The following STRADB variants were observed in gnomAD, a reference collection of about 807,000 sequenced individuals.
STRADB encodes STE20 related adaptor beta, also known as STE20-related kinase adapter protein beta.
In STRADB, 34 loss-of-function variants were observed where a neutral mutation model predicts 52.1. That is an observed-to-expected ratio of 0.65 (90% CI 0.50 to 0.87). The LOEUF is 0.87. Ranked by LOEUF, STRADB falls within the 40% of genes least tolerant of loss-of-function variation. STRADB has a pLI of 0.00. For synonymous variants in STRADB, 133 were observed against 174.5 expected (o/e 0.76, Z 1.87); for missense variants, 340 against 483.9 (o/e 0.70, Z 2.79).
chr2:201,462,461 C>T (rs1310200152), intron 3 of STRADB, among the ~76,000 whole-genome samples: 1 of 152,008 alleles, frequency 6.6e-6, no homozygotes, highest in African/African-American at 2.4e-5. Context: ...GTATTCTCTT[C>T]CTTCCTTCCT....
rs1952501703 is a variant in STRADB at position 201,477,754 on chromosome 2, A to G, written c.684A>G (p.Ser228=). 2 of 1,613,516 alleles carry G rather than the reference A, an allele frequency of 1.2e-6. No individual in the cohort carries two copies. The highest frequency in any genetic ancestry group is 1.7e-6 in the Non-Finnish European group (2 of 1,179,406). Residue 228 remains serine (S), a synonymous_variant, in exon 8 of 12, where the codon TCA becomes TCG. Transcript: ENST00000194530. ...AVYDFPQFST[S]VQPWLSPELL... is the part of the protein sequence containing the mutation. The stretch of plus-strand genomic sequence containing the variant: ...ATGATTTCCCACAGTTCAGCACATC[A>G]GTGCAGCCGTGGCTGAGTCCAGAAC...
chr2:201,475,216 G>T (rs1387071201), intron 6 of STRADB, among the ~76,000 whole-genome samples: 1 of 151,976 alleles, frequency 6.6e-6, no homozygotes, highest in Non-Finnish European at 1.5e-5. Flanking sequence ...TTTATTTGTG[G>T]TGTCCCCAGG....
intron 1 of STRADB, among the ~76,000 whole-genome samples, chr2:201,452,334 C>G (rs1005405794): frequency 1.1e-4 from 17 of 152,246 alleles, no homozygotes; most frequent in African/African-American, 4.1e-4. Context: ...CCAGCTCTAT[C>G]TGCCGCCTTC....
rs1395741749 is a variant in STRADB, at chr2:201,457,114, C to CA, written c.13-1666dup. Among the ~76,000 whole-genome samples, 4 of 152,304 alleles carry CA rather than the reference C, an allele frequency of 2.6e-5. No homozygotes were observed. In the East Asian group the frequency reaches 7.7e-4, roughly 29 times the overall value. On this transcript the variant is annotated intron_variant, in intron 2 of 11. Transcript: ENST00000194530. ...GCGATTCTTATGAAGGGAACCTCTG[C>CA]AAAATCCCAGTTCCCAGATACTAGC... is the stretch of plus-strand genomic sequence containing the variant.
chr2:201,457,022 T>G (rs1342521234), intron 2 of STRADB, among the ~76,000 whole-genome samples: 1 of 152,086 alleles, frequency 6.6e-6, no homozygotes, highest in Non-Finnish European at 1.5e-5. Context: ...AATTCCAGTC[T>G]CCCAGAAAAA....
chr2:201,463,313 GAC>G (rs1252725779), intron 3 of STRADB, among the ~76,000 whole-genome samples: 2 of 123,960 alleles, frequency 1.6e-5, no homozygotes, highest in African/African-American at 6.3e-5. Flanking sequence ...CAGCCTGGGT[GAC>G]AGAGTGAGAC....
chr2:201,460,222 A>C (rs1952192277), intron 3 of STRADB, among the ~76,000 whole-genome samples: 1 of 152,092 alleles, frequency 6.6e-6, no homozygotes, highest in Admixed American at 6.6e-5. Context: ...AATAGGAAGT[A>C]GTATCTGAGG....
chr2:201,453,974 G>A (rs1310093003), intron 1 of STRADB, among the ~76,000 whole-genome samples: 1 of 152,142 alleles, frequency 6.6e-6, no homozygotes, highest in Non-Finnish European at 1.5e-5. Flanking sequence ...TTGCTTTATG[G>A]TTTTTATGGT....
intron 3 of STRADB, among the ~76,000 whole-genome samples, chr2:201,466,619 A>G (rs1358773320): frequency 4.6e-5 from 7 of 152,174 alleles, no homozygotes; most frequent in Non-Finnish European, 1.5e-5. Context: ...TGTTTGGAGG[A>G]CAGTCTGGTT....
rs1432352646 is a variant in STRADB, at chr2:201,457,911, C to G, written c.13-873C>G. ...TGGTGGCAGGTGCCTGTAATCCCAGCTACTCAGGAAGTTGAGGCAGGAGAA... is the reference window on the plus strand; with the variant it reads ...TGGTGGCAGGTGCCTGTAATCCCAGGTACTCAGGAAGTTGAGGCAGGAGAA... On this transcript the variant is annotated intron_variant, in intron 2 of 11. Transcript: ENST00000194530. Among the ~76,000 whole-genome samples the G allele has an allele frequency of 7.2e-5, 11 of 152,038 alleles. No individual in the cohort carries two copies. The East Asian group carries it at 2.1e-3, about 29-fold the overall frequency.
At chr2:201,477,250 G>C (rs1952492238) in intron 7 of STRADB, among the ~76,000 whole-genome samples, 1 of 151,478 alleles carries the variant, frequency 6.6e-6, no homozygotes, top group African/African-American at 2.4e-5. Flanking sequence ...ATTTTTAGTA[G>C]AGACGGGGTT....
chr2:201,457,988 C>T (rs1021503451), intron 2 of STRADB, among the ~76,000 whole-genome samples: 1 of 151,882 alleles, frequency 6.6e-6, no homozygotes, highest in Non-Finnish European at 1.5e-5. Flanking sequence ...TGCACCACTG[C>T]ACTCTAGCCT....
At chr2:201,478,744 T>A in intron 10 of STRADB, 143 bp downstream of exon 10, 1 of 1,035,118 alleles carries the variant, frequency 9.7e-7, no homozygotes, top group Non-Finnish European at 1.4e-6. Context: ...TAAGAACAAT[T>A]AGTGGGAACA....
At chr2:201,455,133 C>T (rs1952108674) in intron 2 of STRADB, among the ~76,000 whole-genome samples, 2 of 152,180 alleles carry the variant, frequency 1.3e-5, no homozygotes, top group Non-Finnish European at 2.9e-5. Context: ...GCCACCCACA[C>T]CAGTTAGCTA....
At chr2:201,473,460 T>C (rs1187874101) in intron 5 of STRADB, among the ~76,000 whole-genome samples, 1 of 152,202 alleles carries the variant, frequency 6.6e-6, no homozygotes, top group East Asian at 1.9e-4. Context: ...ATAATGTTTA[T>C]TTGAGGAGAT....
At position 201,474,722 on chromosome 2, in the gene STRADB, T is replaced by G. The variant is rs1462733458; in HGVS notation, c.391T>G (p.Trp131Gly). 6.2e-7 allele frequency: 1 copy of G among 1,612,010 alleles called. No individual in the cohort carries two copies. The highest frequency in any genetic ancestry group is 1.7e-5 in the Admixed American group (1 of 59,562). ...TTGGACAGTTTTCACTGTTGGCAGC[T>G]GGCTTTGGGTTATTTCTCCATTTAT... ...TYWTVFTVGSWLWVISPFMAY... is the reference protein window; with the variant it reads ...TYWTVFTVGSGLWVISPFMAY... The change falls in exon 6 of 12, where the codon TGG becomes GGG. Residue 131 changes from tryptophan (W) to glycine (G), a missense_variant. Transcript: ENST00000194530.
intron 4 of STRADB, among the ~76,000 whole-genome samples, chr2:201,472,445 T>A (rs1952404296): frequency 6.6e-6 from 1 of 152,214 alleles, no homozygotes; most frequent in Non-Finnish European, 1.5e-5. Flanking sequence ...TGCTGATACA[T>A]ACAGCAACGT....
chr2:201,474,321 T>A (rs1952439034), intron 5 of STRADB, among the ~76,000 whole-genome samples: 1 of 152,252 alleles, frequency 6.6e-6, no homozygotes, highest in African/African-American at 2.4e-5. Context: ...TATTTTTAAA[T>A]GTTTTTATGA....
chr2:201,462,621 C>A (rs2125674895), intron 3 of STRADB, among the ~76,000 whole-genome samples: 1 of 152,114 alleles, frequency 6.6e-6, no homozygotes, highest in South Asian at 2.1e-4. Flanking sequence ...TTTAAAGTGA[C>A]AACTTGACAC....
Sources: gnomAD v4.1 joint callset for allele counts (sites outside exome capture counted in the v4.1 genomes callset) on GRCh38, gnomAD v4.1.1 for gene constraint, MANE v1.5 for transcripts, NCBI Gene and HGNC (gene_info 2026-07-23, HGNC 2026-07-21) for gene names.